Variants in PTPN5 observed in about 807,000 individuals in gnomAD.
PTPN5 encodes the protein tyrosine-protein phosphatase non-receptor type 5.
PTPN5 carries 29 observed loss-of-function variants against 73.9 expected under a neutral mutation model. That is an observed-to-expected ratio of 0.39 (90% CI 0.29 to 0.54). PTPN5 has a LOEUF of 0.54. Ranked by LOEUF, PTPN5 falls within the 20% of genes least tolerant of loss-of-function variation. The pLI is 0.65. For synonymous variants in PTPN5, 267 were observed against 304.7 expected, an observed-to-expected ratio of 0.88 and a Z score of 1.29; for missense variants, 652 against 751.4, an observed-to-expected ratio of 0.87 and a Z score of 1.55.
intron 1 of PTPN5, among the ~76,000 whole-genome samples, chr11:18,775,194 A>G (rs1851088306): frequency 2.0e-5 from 3 of 152,224 alleles, no homozygotes; most frequent in African/African-American, 4.8e-5. Context: ...AACTTCCCCC[A>G]TTGCCCACAT....
At chr11:18,790,992 AACC>A (rs1211651765) in intron 1 of PTPN5, among the ~76,000 whole-genome samples, 3 of 152,150 alleles carry the variant, frequency 2.0e-5, no homozygotes, top group Admixed American at 6.5e-5. Context: ...CCTGGGCCTC[AACC>A]AGAAACAAGC....
chr11:18,736,514 C>T (rs1849119183), intron 9 of PTPN5, among the ~76,000 whole-genome samples: 1 of 152,196 alleles, frequency 6.6e-6, no homozygotes, highest in Admixed American at 6.5e-5. Context: ...ATCCTCAGCC[C>T]CTGGGGCAGG....
Position 18,744,140 on chromosome 11 carries a change from G to C in PTPN5, c.157C>G (p.Gln53Glu), listed in dbSNP as rs752428270. The change falls in exon 4 of 15, where the codon CAG becomes GAG. Residue 53 changes from glutamine to glutamate, a missense_variant. This residue lies in a region of PTPN5 where 529 missense variants were observed against 573.9 expected (regional missense o/e 0.92). Coordinates refer to ENST00000358540, the MANE Select transcript of PTPN5 (RefSeq NM_006906.2). ...LDEAEGLQDS[Q>E]REMPPPPPPS... ...GGAGGGGGTGGCGGCATCTCTCTCT[G>C]TGAGTCCTGGAGCCCTTCAGCCTCG... 5.6e-6 allele frequency: 9 copies of C among 1,607,530 alleles called. No individual in the cohort carries two copies. Among genetic ancestry groups the C allele is most frequent in the Non-Finnish European group, 4.2e-6 (5 of 1,177,458 alleles).
chr11:18,760,073 T>C (rs1850323429), intron 3 of PTPN5, among the ~76,000 whole-genome samples: 1 of 152,102 alleles, frequency 6.6e-6, no homozygotes, highest in South Asian at 2.1e-4. Context: ...GCAAAATGGC[T>C]GTACCCTTCC....
intron 3 of PTPN5, among the ~76,000 whole-genome samples, chr11:18,752,219 C>T (rs761538807): frequency 2.6e-5 from 4 of 152,060 alleles, no homozygotes; most frequent in Non-Finnish European, 4.4e-5. Context: ...GTGACAAGCG[C>T]GAAACTCCGT....
chr11:18,758,616 G>A (rs560958429), intron 3 of PTPN5, among the ~76,000 whole-genome samples: 2 of 152,042 alleles, frequency 1.3e-5, no homozygotes, highest in African/African-American at 4.8e-5. Flanking sequence ...GGCAGCAACA[G>A]ACAACCAAAA....
In PTPN5 at chr11:18,742,534, G is replaced by A. The variant is rs561572594; in HGVS notation, c.484-31C>T. ...TGGGGTGTACAGCATCACAGATTTC[G>A]GACCACGCTGGCTGCCCCCCGTGTT... On this transcript the variant is annotated intron_variant, in intron 6 of 14. Transcript: ENST00000358540. The surrounding 1 kb of genome is among the most constrained non-coding windows in gnomAD (Gnocchi z 4.1). The A allele has an allele frequency of 1.1e-5, 18 of 1,606,718 alleles. No homozygotes were observed. Among genetic ancestry groups the A allele is most frequent in the Admixed American group, 5.0e-5 (3 of 59,944 alleles).
intron 7 of PTPN5, among the ~76,000 whole-genome samples, chr11:18,741,743 G>A (rs542041964): frequency 6.6e-6 from 1 of 152,258 alleles, no homozygotes; most frequent in Admixed American, 6.5e-5. Flanking sequence ...GCGGGCAAGG[G>A]ATGAAAAACT....
At chr11:18,740,976 T>C (rs1214896061) in intron 7 of PTPN5, among the ~76,000 whole-genome samples, 184 bp from the exon 8 acceptor site, 1 of 152,036 alleles carries the variant, frequency 6.6e-6, no homozygotes, top group African/African-American at 2.4e-5. Context: ...CCCTGAGGCA[T>C]TGGCCTGACT....
chr11:18,756,938 C>CAAAAAAA (rs1564910700), intron 3 of PTPN5, among the ~76,000 whole-genome samples: 2 of 138,132 alleles, frequency 1.4e-5, no homozygotes, highest in African/African-American at 5.6e-5. Context: ...AAAAAAAAAC[C>CAAAAAAA]AAAAAACAAA....
intron 1 of PTPN5, among the ~76,000 whole-genome samples, chr11:18,773,961 G>A (rs1371440534): frequency 1.3e-5 from 2 of 152,100 alleles, no homozygotes; most frequent in South Asian, 4.1e-4. Context: ...CTTTGCTTAC[G>A]TTGTCTCTCT....
chr11:18,771,802 T>C (rs552239903), intron 2 of PTPN5, 137 bp downstream of exon 2: 2 of 731,466 alleles, frequency 2.7e-6, no homozygotes, highest in African/African-American at 1.8e-5. Context: ...GCAGAGGGCA[T>C]GCTGGTTTCA....
intron 3 of PTPN5, among the ~76,000 whole-genome samples, chr11:18,747,851 T>C (rs1445269722): frequency 1.3e-5 from 2 of 152,182 alleles, no homozygotes; most frequent in African/African-American, 4.8e-5. Flanking sequence ...TAACATGAGA[T>C]AGAGATCATA....
chr11:18,766,206 C>T (rs901746527), intron 2 of PTPN5, among the ~76,000 whole-genome samples: 18 of 152,192 alleles, frequency 1.2e-4, no homozygotes, highest in Non-Finnish European at 2.2e-4. Context: ...CACATTAAAT[C>T]CTCACCATGA....
intron 1 of PTPN5, among the ~76,000 whole-genome samples, chr11:18,790,566 G>C (rs552218166): frequency 5.0e-4 from 76 of 152,182 alleles, no homozygotes; most frequent in Non-Finnish European, 9.6e-4. Context: ...CTCCTTTGAG[G>C]TTGAAGGAAG....
At chr11:18,774,890 A>G (rs1293888369) in intron 1 of PTPN5, among the ~76,000 whole-genome samples, 2 of 152,200 alleles carry the variant, frequency 1.3e-5, no homozygotes, top group Non-Finnish European at 2.9e-5. Context: ...TCTGAGAGAG[A>G]AAGGAAGCAG....
intron 1 of PTPN5, among the ~76,000 whole-genome samples, chr11:18,777,698 C>T (rs890227666): frequency 2.0e-5 from 3 of 152,134 alleles, no homozygotes; most frequent in Admixed American, 1.3e-4. Flanking sequence ...GTAATTCCAG[C>T]ATTTTAGGAG....
chr11:18,746,613 G>C (rs1351493492), intron 3 of PTPN5, among the ~76,000 whole-genome samples: 1 of 152,072 alleles, frequency 6.6e-6, no homozygotes, highest in African/African-American at 2.4e-5. Context: ...TCTTCAAAAG[G>C]CTCCAGTCTC....
At chr11:18,737,381 G>A (rs750094024) in intron 9 of PTPN5, among the ~76,000 whole-genome samples, 1 of 152,178 alleles carries the variant, frequency 6.6e-6, no homozygotes, top group Non-Finnish European at 1.5e-5. Flanking sequence ...CTGTGGGAGT[G>A]GATGTCCCTG....
Sources: gnomAD v4.1 joint callset for allele counts (sites outside exome capture counted in the v4.1 genomes callset) on GRCh38, gnomAD v4.1.1 for gene constraint, gnomAD v4.1.1 regional missense constraint, Gnocchi (gnomAD v3.1) non-coding constraint, MANE v1.5 for transcripts, NCBI Gene and HGNC (gene_info 2026-07-23, HGNC 2026-07-21) for gene names.